Variants in ANKS3 observed in about 807,000 individuals in gnomAD.
ANKS3 encodes the protein ankyrin repeat and sterile alpha motif domain containing 3, also known as ankyrin repeat and SAM domain-containing protein 3.
Under a neutral mutation model 80.7 loss-of-function variants are expected in ANKS3, and 62 were observed. The observed-to-expected ratio is 0.77, with a 90% CI of 0.63 to 0.95. The LOEUF is 0.95. Ranked by LOEUF, ANKS3 falls within the 40% of genes least tolerant of loss-of-function variation. The pLI is 0.00. For synonymous variants in ANKS3, 489 were observed against 355.3 expected (o/e 1.38, Z -4.23); for missense variants, 1,150 against 883.6 (o/e 1.30, Z -3.82).
At chr16:4,724,936 C>G in intron 5 of ANKS3, 105 bp from the exon 6 acceptor site, 1 of 898,554 alleles carries the variant, frequency 1.1e-6, no homozygotes, top group Non-Finnish European at 1.8e-6. Flanking sequence ...TCACCGATCC[C>G]TAAGCGTAGA....
intron 3 of ANKS3, 193 bp downstream of exon 3, chr16:4,729,787 C>T: frequency 2.1e-6 from 1 of 478,084 alleles, no homozygotes; most frequent in Non-Finnish European, 3.5e-6. Flanking sequence ...CCCTCTTTTT[C>T]TTCCTAGGAA....
At chr16:4,729,839 T>C (rs2081531861) in intron 3 of ANKS3, 141 bp downstream of exon 3, 1 of 852,040 alleles carries the variant, frequency 1.2e-6, no homozygotes, top group Non-Finnish European at 1.6e-6. Flanking sequence ...CAATACTTAC[T>C]GACAGCTGCC....
chr16:4,697,322 C>G lies in ANKS3; in HGVS notation c.1894+11G>C, dbSNP rs752426429. ...AAGGAGCGCTCAGTCGTCTGGTCCC[C>G]GGAGACTCACCCATCTCACGGACAC... On this transcript the variant is annotated intron_variant, in intron 16 of 17. Transcript: ENST00000304283. 10 of 1,597,614 alleles carry G rather than the reference C, an allele frequency of 6.3e-6. No homozygotes were observed. The highest frequency in any genetic ancestry group is 2.2e-5 in the South Asian group (2 of 89,776).
chr16:4,719,527 GCA>G (rs1237949788), intron 6 of ANKS3, among the ~76,000 whole-genome samples: 8 of 152,044 alleles, frequency 5.3e-5, no homozygotes, highest in Admixed American at 5.2e-4. Context: ...ATCTGGCCGG[GCA>G]TGGTGGCTCA....
intron 7 of ANKS3, among the ~76,000 whole-genome samples, chr16:4,706,300 G>A (rs2080185503): frequency 6.6e-6 from 1 of 151,602 alleles, no homozygotes; most frequent in East Asian, 1.9e-4. Flanking sequence ...GTGCGATCAC[G>A]GCTCACTGCA....
chr16:4,706,982 G>C (rs2080228112), intron 7 of ANKS3, among the ~76,000 whole-genome samples: 1 of 152,150 alleles, frequency 6.6e-6, no homozygotes, highest in Non-Finnish European at 1.5e-5. Context: ...CCATGACGAG[G>C]CTCAAGCTCT....
chr16:4,713,970 G>A (rs1265335132), intron 7 of ANKS3, 81 bp downstream of exon 7: 1 of 1,551,798 alleles, frequency 6.4e-7, no homozygotes, highest in East Asian at 2.3e-5. Flanking sequence ...GGGGAAGCGG[G>A]GGACATCTTT....
chr16:4,715,500 G>A lies in ANKS3; in HGVS notation c.574-1314C>T, dbSNP rs370318559. ...AGTCCCAGCTACTCAGGAGGCTGAG[G>A]CAGGAGGATCACTTAAGTCCCAGAG... On this transcript the variant is annotated intron_variant, in intron 6 of 17. Transcript: ENST00000304283. Among the ~76,000 whole-genome samples, 2 of 152,284 alleles carry A rather than the reference G, an allele frequency of 1.3e-5. 1 individual carries two copies. The highest frequency in any genetic ancestry group is 4.8e-5 in the African/African-American group (2 of 41,582).
rs947240064 is a variant in ANKS3, at chr16:4,696,868, A to C, written c.*40T>G. The C allele has an allele frequency of 4.1e-6, 3 of 729,508 alleles. No homozygotes were observed. The highest frequency in any genetic ancestry group is 6.9e-6 in the Non-Finnish European group (3 of 432,246). The allele number at this position is 729,508 out of a possible 1,614,324, so 45.2% of individuals were successfully genotyped here. On this transcript the variant is annotated 3_prime_UTR_variant, in exon 18 of 18. Coordinates refer to ENST00000304283, the MANE Select transcript of ANKS3 (RefSeq NM_133450.4). The stretch of plus-strand genomic sequence containing the variant: ...TCCTCACTCCCTGGCACACAGCTTC[A>C]GGGTGGACCAATCACCCAACGTCAG...
In ANKS3 at chr16:4,697,357, G is replaced by A. The variant is rs1031587767; in HGVS notation, c.1870C>T (p.Leu624=). The change falls in exon 16 of 18, where the codon CTG becomes TTG. Residue 624 remains leucine, a synonymous_variant. Coordinates refer to ENST00000304283, the MANE Select transcript of ANKS3 (RefSeq NM_133450.4). ...CCCATCTCACGGACACGGTCCTCCA[G>A]GGCTCCCGAGAGCTCGGGGAGGCTC... ...AMSLPELSGA[L]EDRVREMGQA... is the part of the protein sequence containing the mutation. The A allele has an allele frequency of 5.6e-6, 9 of 1,609,412 alleles. No individual in the cohort carries two copies. The highest frequency in any genetic ancestry group is 2.2e-5 in the East Asian group (1 of 44,790).
Position 4,701,536 on chromosome 16 carries a change from A to G in ANKS3, c.1017T>C (p.His339=), listed in dbSNP as rs2079904483. The G allele has an allele frequency of 1.2e-6, 2 of 1,609,244 alleles. No individual in the cohort carries two copies. The highest frequency in any genetic ancestry group is 2.2e-5 in the East Asian group (1 of 44,770). Residue 339 remains histidine (H), a synonymous_variant, in exon 10 of 18, where the codon CAT becomes CAC. Coordinates refer to ENST00000304283, the MANE Select transcript of ANKS3 (RefSeq NM_133450.4). ...CGGGCCCCAGGTTGGCACAGAAAGC[A>G]TGTTCCTCTGAGGGCGGGAAGACAG... is the stretch of plus-strand genomic sequence containing the variant. The part of the protein sequence containing the change: ...SSSSSSSREE[H]AFCANLGPVQ...
chr16:4,712,029 T>C lies in ANKS3; in HGVS notation c.709+2022A>G, dbSNP rs559542037. ...AAGGAAAACTTCCAAATTATTTTTA[T>C]GAAGTAAACACTGATACCCATACCT... On this transcript the variant is annotated intron_variant, in intron 7 of 17. Transcript: ENST00000304283. Among the ~76,000 whole-genome samples the C allele has an allele frequency of 6.6e-5, 10 of 152,294 alleles. No individual in the cohort carries two copies. The South Asian group carries it at 1.9e-3, about 28-fold the overall frequency.
chr16:4,729,834 C>T (rs934077992), intron 3 of ANKS3, 146 bp downstream of exon 3: 3 of 812,296 alleles, frequency 3.7e-6, no homozygotes, highest in Non-Finnish European at 5.2e-6. Context: ...AGCATCAATA[C>T]TTACTGACAG....
chr16:4,716,587 C>T (rs900951020), intron 6 of ANKS3, among the ~76,000 whole-genome samples: 19 of 151,964 alleles, frequency 1.3e-4, no homozygotes, highest in Non-Finnish European at 2.8e-4. Context: ...ACTTTTGACT[C>T]TGATTAAAAA....
At chr16:4,728,919 G>C (rs950981603) in intron 3 of ANKS3, among the ~76,000 whole-genome samples, 2 of 152,302 alleles carry the variant, frequency 1.3e-5, no homozygotes, top group African/African-American at 4.8e-5. Context: ...GTATGTCTAA[G>C]TGAGGGCCAC....
intron 6 of ANKS3, among the ~76,000 whole-genome samples, chr16:4,724,434 T>C (rs570502083): frequency 2.0e-5 from 3 of 152,350 alleles, no homozygotes; most frequent in Non-Finnish European, 4.4e-5. Flanking sequence ...GAGGAGGATC[T>C]CTGCCTTCTT....
intron 6 of ANKS3, among the ~76,000 whole-genome samples, chr16:4,719,881 T>G (rs2080997655): frequency 6.6e-6 from 1 of 151,934 alleles, no homozygotes; most frequent in Non-Finnish European, 1.5e-5. Flanking sequence ...TCTAACATCC[T>G]GGCCAGGCAC....
At chr16:4,717,859 A>C (rs2080882614) in intron 6 of ANKS3, among the ~76,000 whole-genome samples, 1 of 151,570 alleles carries the variant, frequency 6.6e-6, no homozygotes, top group African/African-American at 2.4e-5. Context: ...GCAATGGCGC[A>C]ATCTCGGCTC....
In ANKS3 at chr16:4,698,495, G is replaced by A. The variant is rs902828549; in HGVS notation, c.1656C>T (p.Asp552=). ...CLLEQDRARE[D]LQARLRETWA... ...ACGTCTCCCGCAGCCGGGCCTGGAG[G>A]TCCTCGCGGGCGCGGTCCTGCTCCA... Residue 552 remains aspartate, a synonymous_variant, in exon 14 of 18, where the codon GAC becomes GAT. Coordinates refer to ENST00000304283, the MANE Select transcript of ANKS3 (RefSeq NM_133450.4). 2.6e-6 allele frequency: 4 copies of A among 1,553,210 alleles called. No homozygotes were observed. Among genetic ancestry groups the A allele is most frequent in the African/African-American group, 1.4e-5 (1 of 73,682 alleles).
Sources: gnomAD v4.1 joint callset for allele counts (sites outside exome capture counted in the v4.1 genomes callset) on GRCh38, gnomAD v4.1.1 for gene constraint, MANE v1.5 for transcripts, NCBI Gene and HGNC (gene_info 2026-07-23, HGNC 2026-07-21) for gene names.